ADARB2: variants seen among roughly 807,000 people sequenced by gnomAD.
The protein encoded by ADARB2 is inactive double-stranded RNA-specific editase B2.
A neutral mutation model predicts 62.2 loss-of-function variants in ADARB2; 25 were observed. The observed-to-expected ratio is 0.40, with a 90% CI of 0.29 to 0.56. ADARB2 has a LOEUF of 0.56. Among genes scored for constraint, ADARB2 ranks in the 20% least tolerant of loss-of-function variants. The pLI, the probability that ADARB2 is intolerant of heterozygous loss-of-function variation, is 0.43. For missense variants in ADARB2, 1,071 were observed against 1,077.4 expected, an observed-to-expected ratio of 0.99 and a Z score of 0.08; for synonymous variants, 572 against 500.8, an observed-to-expected ratio of 1.14 and a Z score of -1.90.
rs1476976286 is a variant in ADARB2, at chr10:1,181,802, GAC to G, written c.*1389_*1390del. ...GATTTTTTAAGTTGGAGAAATGAGA[GAC>G]TGGCTATCTAGCATGATGAATGTTA... On this transcript the variant is annotated 3_prime_UTR_variant, in exon 10 of 10. Coordinates refer to ENST00000381312, the MANE Select transcript of ADARB2 (RefSeq NM_018702.4). The G allele has an allele frequency of 6.6e-6, 1 of 152,192 alleles. No individual in the cohort carries two copies. The highest frequency in any genetic ancestry group is 1.5e-5 in the Non-Finnish European group (1 of 68,038). The allele number at this position is 152,192 out of a possible 1,614,324, so 9.4% of individuals were successfully genotyped here.
At chr10:1,515,791 C>T (rs1360140070) in intron 1 of ADARB2, among the ~76,000 whole-genome samples, 3 of 152,208 alleles carry the variant, frequency 2.0e-5, no homozygotes, top group African/African-American at 2.4e-5. Context: ...ACTGATTGCC[C>T]GGCTGGCACC....
intron 1 of ADARB2, among the ~76,000 whole-genome samples, chr10:1,409,909 G>A (rs1832744229): frequency 1.0e-5 from 1 of 97,862 alleles, no homozygotes; most frequent in Non-Finnish European, 2.3e-5. Context: ...TCTCAGTGGT[G>A]CCGAGGCCTG....
At chr10:1,371,090 C>G (rs563065250) in intron 2 of ADARB2, among the ~76,000 whole-genome samples, 1 of 152,086 alleles carries the variant, frequency 6.6e-6, no homozygotes, top group South Asian at 2.1e-4. Context: ...GGTATTGGTA[C>G]GAAGATAGAC....
chr10:1,247,660 C>T (rs999437267), intron 4 of ADARB2, among the ~76,000 whole-genome samples: 6 of 152,086 alleles, frequency 3.9e-5, no homozygotes, highest in Non-Finnish European at 7.4e-5. Context: ...TTGAAGACTG[C>T]GAGCAAAAAC....
chr10:1,729,375 G>C (rs1428281994), intron 1 of ADARB2, among the ~76,000 whole-genome samples: 1 of 152,126 alleles, frequency 6.6e-6, no homozygotes, highest in African/African-American at 2.4e-5. Context: ...AACACAAAGA[G>C]GGCAGGTACT....
chr10:1,254,375 C>G (rs962358488), intron 4 of ADARB2, among the ~76,000 whole-genome samples: 1 of 152,138 alleles, frequency 6.6e-6, no homozygotes, highest in African/African-American at 2.4e-5. Context: ...CCTTGCTCAC[C>G]ATGTTGTCTT....
intron 1 of ADARB2, among the ~76,000 whole-genome samples, chr10:1,487,511 C>T (rs904907883): frequency 8.5e-5 from 13 of 152,118 alleles, no homozygotes; most frequent in Admixed American, 1.3e-4. Context: ...GACCTGCTCC[C>T]GGCCCTGGGT....
chr10:1,500,895 G>A (rs1450991494), intron 1 of ADARB2, among the ~76,000 whole-genome samples: 1 of 152,116 alleles, frequency 6.6e-6, no homozygotes, highest in Non-Finnish European at 1.5e-5. Context: ...TTATTTTTGA[G>A]AAAGAGTCTT....
chr10:1,377,976 G>C (rs1171611660), intron 2 of ADARB2, among the ~76,000 whole-genome samples: 2 of 152,186 alleles, frequency 1.3e-5, no homozygotes, highest in Admixed American at 6.5e-5. Flanking sequence ...TTGTTGGTCT[G>C]ACCAGCAATC....
At chr10:1,480,587 A>G (rs1831455959) in intron 1 of ADARB2, among the ~76,000 whole-genome samples, 2 of 152,066 alleles carry the variant, frequency 1.3e-5, no homozygotes, top group African/African-American at 2.4e-5. Flanking sequence ...AGTCCCCGCT[A>G]CTCAGGAGGC....
At chr10:1,452,186 C>A in intron 1 of ADARB2, among the ~76,000 whole-genome samples, 1 of 152,146 alleles carries the variant, frequency 6.6e-6, no homozygotes, top group East Asian at 1.9e-4. Flanking sequence ...AGCAGCTTTC[C>A]AGCTGCGGGA....
chr10:1,414,192 G>A (rs1832782679), intron 1 of ADARB2, among the ~76,000 whole-genome samples: 1 of 152,224 alleles, frequency 6.6e-6, no homozygotes, highest in South Asian at 2.1e-4. Context: ...TTGATGGGGG[G>A]AATACAGTAA....
chr10:1,217,441 G>A (rs571420903), intron 6 of ADARB2, among the ~76,000 whole-genome samples: 83 of 152,356 alleles, frequency 5.4e-4, no homozygotes, highest in African/African-American at 1.9e-3. Flanking sequence ...AGGCCAGTAA[G>A]GGGCCACCGC....
At chr10:1,687,400 G>A (rs1834611097) in intron 1 of ADARB2, among the ~76,000 whole-genome samples, 1 of 152,016 alleles carries the variant, frequency 6.6e-6, no homozygotes, top group Non-Finnish European at 1.5e-5. Context: ...TTCCTGAATT[G>A]TGAGTCATCT....
intron 1 of ADARB2, among the ~76,000 whole-genome samples, chr10:1,714,861 AATT>A (rs1834996406): frequency 6.6e-6 from 1 of 152,194 alleles, no homozygotes; most frequent in African/African-American, 2.4e-5. Flanking sequence ...TATTTTTTAA[AATT>A]ATTATACTTT....
At chr10:1,245,478 T>C (rs1361366738) in intron 4 of ADARB2, among the ~76,000 whole-genome samples, 364 of 148,828 alleles carry the variant, frequency 2.4e-3, no homozygotes, top group Admixed American at 3.9e-3. Context: ...CTAATGCTAT[T>C]CCTCCCCCCT....
At chr10:1,297,469 A>C (rs1831533400) in intron 3 of ADARB2, among the ~76,000 whole-genome samples, 1 of 152,050 alleles carries the variant, frequency 6.6e-6, no homozygotes, top group Non-Finnish European at 1.5e-5. Context: ...CTTACCATAG[A>C]GCTGTTCCCC....
chr10:1,561,571 C>G (rs567585573), intron 1 of ADARB2, among the ~76,000 whole-genome samples: 1 of 152,202 alleles, frequency 6.6e-6, no homozygotes, highest in African/African-American at 2.4e-5. Context: ...ATGATCATTT[C>G]GGAGCCTTTT....
In ADARB2 at chr10:1,481,070, G is replaced by A. The variant is rs76085677; in HGVS notation, c.101-101910C>T. ...TGACTTCACTTCCTGACTTCAAAACGTACTACAAAGCTACAAATCAAAACA... is the reference window on the plus strand; with the variant it reads ...TGACTTCACTTCCTGACTTCAAAACATACTACAAAGCTACAAATCAAAACA... On this transcript the variant is annotated intron_variant, in intron 1 of 9. Transcript: ENST00000381312. 5.3e-5 allele frequency among the ~76,000 whole-genome samples: 8 copies of A among 152,232 alleles called. No individual in the cohort carries two copies. The East Asian group carries it at 7.7e-4, about 15-fold the overall frequency.
Sources: gnomAD v4.1 joint callset for allele counts (sites outside exome capture counted in the v4.1 genomes callset) on GRCh38, gnomAD v4.1.1 for gene constraint, MANE v1.5 for transcripts, NCBI Gene and HGNC (gene_info 2026-07-23, HGNC 2026-07-21) for gene names.